Variants in SLC35F4 observed in about 807,000 individuals in gnomAD.
SLC35F4 encodes chromosome 14 open reading frame 36.
Under a neutral mutation model 44.2 loss-of-function variants are expected in SLC35F4, and 24 were observed. The ratio of observed to expected loss-of-function variants is 0.54; its 90% CI spans 0.39 to 0.76. The LOEUF is 0.76. Ranked by LOEUF, SLC35F4 falls within the 30% of genes least tolerant of loss-of-function variation. SLC35F4 has a pLI of 0.00. For missense variants in SLC35F4, 562 were observed against 586.1 expected, an observed-to-expected ratio of 0.96 and a Z score of 0.42; for synonymous variants, 238 against 223.6, an observed-to-expected ratio of 1.06 and a Z score of -0.57.
chr14:57,976,156 A>C (rs936174135), downstream of SLC35F4, among the ~76,000 whole-genome samples: 3 of 152,236 alleles, frequency 2.0e-5, no homozygotes, highest in Non-Finnish European at 2.9e-5. Context: ...CTGCTTAGGA[A>C]GGAACCTACA....
chr14:57,942,515 C>A (rs963429981), intron 1 of SLC35F4, among the ~76,000 whole-genome samples: 1 of 152,144 alleles, frequency 6.6e-6, no homozygotes, highest in Non-Finnish European at 1.5e-5. Flanking sequence ...TGAGCATCTT[C>A]CCCAAGCCAA....
At chr14:57,937,621 AAAAGAAAAG>A in intron 1 of SLC35F4, among the ~76,000 whole-genome samples, 1 of 133,396 alleles carries the variant, frequency 7.5e-6, no homozygotes, top group East Asian at 2.8e-4. Flanking sequence ...AAAAGAAAAG[AAAAGAAAAG>A]AAAAGAAAAG....
chr14:57,936,771 G>A (rs1310868240), intron 1 of SLC35F4, among the ~76,000 whole-genome samples: 1 of 152,186 alleles, frequency 6.6e-6, no homozygotes, highest in African/African-American at 2.4e-5. Flanking sequence ...GGGAGGAGTT[G>A]TAGGAGGGAT....
intron 1 of SLC35F4, among the ~76,000 whole-genome samples, chr14:57,724,163 A>G (rs1402320128): frequency 1.3e-5 from 2 of 152,212 alleles, no homozygotes; most frequent in East Asian, 1.9e-4. Flanking sequence ...GGGGTACAGA[A>G]CAGGAGAAGG....
At chr14:57,918,822 T>C (rs1471069621) in intron 1 of SLC35F4, among the ~76,000 whole-genome samples, 1 of 152,144 alleles carries the variant, frequency 6.6e-6, no homozygotes, top group Admixed American at 6.5e-5. Flanking sequence ...CTTTGGAAAC[T>C]GCTTGCGGGG....
intron 1 of SLC35F4, among the ~76,000 whole-genome samples, chr14:57,864,735 C>T (rs939519621): frequency 6.6e-6 from 1 of 152,158 alleles, no homozygotes; most frequent in African/African-American, 2.4e-5. Flanking sequence ...ATCAATTAAG[C>T]TTCATCTGTT....
intron 1 of SLC35F4, among the ~76,000 whole-genome samples, chr14:57,667,401 G>T (rs369264769): frequency 7.4e-6 from 1 of 134,632 alleles, no homozygotes; most frequent in African/African-American, 2.9e-5. Context: ...GGTTACATAT[G>T]TATACATGTG....
intron 1 of SLC35F4, among the ~76,000 whole-genome samples, chr14:57,786,230 C>T (rs963732201): frequency 2.0e-5 from 3 of 152,120 alleles, no homozygotes; most frequent in Non-Finnish European, 4.4e-5. Flanking sequence ...ACTTAGGAAC[C>T]TCACTCCCAT....
chr14:57,778,566 T>C (rs1011002231), intron 1 of SLC35F4, among the ~76,000 whole-genome samples: 2 of 151,772 alleles, frequency 1.3e-5, no homozygotes, highest in African/African-American at 4.8e-5. Flanking sequence ...TATTAGATCA[T>C]TGAGGCAGAA....
intron 1 of SLC35F4, among the ~76,000 whole-genome samples, chr14:57,641,413 T>C (rs765775712): frequency 6.7e-4 from 101 of 151,822 alleles, no homozygotes; most frequent in Non-Finnish European, 1.3e-3. Context: ...GATGAGAGAG[T>C]TAGACTGGAT....
Position 57,565,402 on chromosome 14 carries a change from C to T in SLC35F4, c.1217-1026G>A, listed in dbSNP as rs76291795. On this transcript the variant is annotated intron_variant, in intron 7 of 7. Coordinates refer to ENST00000556826, the MANE Select transcript of SLC35F4 (RefSeq NM_001306087.2). ...TTTGGATGCTCCTCCTATGCGCCCT[C>T]GCAGCATTCAGCACATACCTCTATT... 4.8e-3 allele frequency among the ~76,000 whole-genome samples: 724 copies of T among 152,332 alleles called. 4 individuals are homozygous for T. The highest frequency in any genetic ancestry group is 0.037 in the Middle Eastern group (11 of 294).
At chr14:57,850,182 A>G (rs1886431229) in intron 1 of SLC35F4, among the ~76,000 whole-genome samples, 1 of 152,228 alleles carries the variant, frequency 6.6e-6, no homozygotes, top group South Asian at 2.1e-4. Flanking sequence ...CTTTTAGGAC[A>G]CATGAAAAGT....
At chr14:57,816,771 C>T (rs1175895218) in intron 1 of SLC35F4, among the ~76,000 whole-genome samples, 3 of 152,206 alleles carry the variant, frequency 2.0e-5, no homozygotes, top group Admixed American at 6.5e-5. Flanking sequence ...TAGATAAGTG[C>T]TCCACTGTTA....
intron 1 of SLC35F4, among the ~76,000 whole-genome samples, chr14:57,631,671 T>C (rs2072782690): frequency 6.6e-6 from 1 of 152,024 alleles, no homozygotes; most frequent in Non-Finnish European, 1.5e-5. Context: ...TAAAGTAATT[T>C]TGGAAAAAGG....
chr14:57,957,825 A>G (rs1890266157), intron 1 of SLC35F4, among the ~76,000 whole-genome samples: 1 of 152,180 alleles, frequency 6.6e-6, no homozygotes, highest in African/African-American at 2.4e-5. Context: ...TCATAAAATA[A>G]AGAAATAGAA....
intron 1 of SLC35F4, among the ~76,000 whole-genome samples, chr14:57,626,846 A>G (rs2072500640): frequency 7.1e-6 from 1 of 141,094 alleles, no homozygotes; most frequent in Admixed American, 7.6e-5. Context: ...AATTTAAAGA[A>G]GAAATTCAAA....
intron 3 of SLC35F4, among the ~76,000 whole-genome samples, chr14:57,588,152 G>C (rs1594960397): frequency 6.6e-6 from 1 of 152,220 alleles, no homozygotes; most frequent in Non-Finnish European, 1.5e-5. Flanking sequence ...GGGTGACAGA[G>C]CAAGACTCTG....
chr14:57,818,316 CA>C (rs1299334272), intron 1 of SLC35F4, among the ~76,000 whole-genome samples: 1 of 152,154 alleles, frequency 6.6e-6, no homozygotes, highest in Non-Finnish European at 1.5e-5. Flanking sequence ...TCTCCACAAA[CA>C]GGATCTGTTT....
At chr14:57,607,527 C>G (rs1010795538) in intron 1 of SLC35F4, among the ~76,000 whole-genome samples, 15 of 152,126 alleles carry the variant, frequency 9.9e-5, no homozygotes, top group Non-Finnish European at 1.8e-4. Context: ...ATGATGAGTC[C>G]CAGCTCCACA....
Sources: allele counts gnomAD v4.1 joint callset (sites outside exome capture counted in the v4.1 genomes callset), GRCh38; gene constraint gnomAD v4.1.1; transcripts MANE v1.5; gene names NCBI Gene and HGNC (gene_info 2026-07-23, HGNC 2026-07-21).